Variants in COPA observed in about 807,000 individuals in gnomAD.
The protein encoded by COPA is coatomer subunit alpha.
COPA carries 10 observed loss-of-function variants against 158.7 expected under a neutral mutation model. The observed-to-expected ratio is 0.06, with a 90% CI of 0.04 to 0.11. The LOEUF is 0.11. COPA is among the 10% of genes least tolerant of loss of function. COPA has a pLI of 1.00. For synonymous variants in COPA, 462 were observed against 542.8 expected (o/e 0.85, Z 2.07); for missense variants, 1,065 against 1,536.7 (o/e 0.69, Z 5.13).
chr1:160,295,787 G>T lies in COPA; in HGVS notation c.2425C>A (p.Pro809Thr). The change falls in exon 23 of 33, where the codon CCT (proline) becomes ACT (threonine). Residue 809 changes from proline (P) to threonine (T), a missense_variant. Around this residue, in one of 2 missense-constraint regions of COPA, gnomAD observed 980 missense variants for 1,357.8 expected, o/e 0.72. Coordinates refer to ENST00000241704, the MANE Select transcript of COPA (RefSeq NM_004371.4). Reference sequence around the variant, plus strand: ...AATCCTTTGGATACAGTCAATAAAGGCCAATTGGTATCCAATGGCATGATA... The same window carrying T: ...AATCCTTTGGATACAGTCAATAAAGTCCAATTGGTATCCAATGGCATGATA... Reference protein sequence around the residue: ...APIMPLDTNWPLLTVSKGFFE... With the variant: ...APIMPLDTNWTLLTVSKGFFE... The T allele has an allele frequency of 6.2e-7, 1 of 1,613,266 alleles. No homozygotes were observed. Among genetic ancestry groups the T allele is most frequent in the Non-Finnish European group, 8.5e-7 (1 of 1,179,786 alleles).
At chr1:160,299,483 T>C (rs1472468983) in intron 17 of COPA, among the ~76,000 whole-genome samples, 1 of 152,214 alleles carries the variant, frequency 6.6e-6, no homozygotes, top group Non-Finnish European at 1.5e-5. Context: ...TCCTAGAAGA[T>C]GAGTAACAGA....
In COPA at chr1:160,295,809, G is replaced by A. The variant is rs1267904629; in HGVS notation, c.2403C>T (p.Ile801=). The change falls in exon 23 of 33, where the codon ATC becomes ATT. Residue 801 remains isoleucine (I), a synonymous_variant. Transcript: ENST00000241704. Reference sequence around the variant, plus strand: ...AAGGCCAATTGGTATCCAATGGCATGATAGGTGCAGGTGGCTGGAGCAGCT... The same window carrying A: ...AAGGCCAATTGGTATCCAATGGCATAATAGGTGCAGGTGGCTGGAGCAGCT... ...NAKLLQPPAP[I]MPLDTNWPLL... The A allele has an allele frequency of 6.2e-7, 1 of 1,613,596 alleles. No individual in the cohort carries two copies. The highest frequency in any genetic ancestry group is 1.7e-5 in the Admixed American group (1 of 59,824).
At chr1:160,337,446 G>A (rs1647827293) in intron 3 of COPA, among the ~76,000 whole-genome samples, 2 of 152,214 alleles carry the variant, frequency 1.3e-5, no homozygotes, top group East Asian at 1.9e-4. Flanking sequence ...TGGGCCGGGT[G>A]CGGTGGCTCA....
chr1:160,328,804 C>A (rs893725337), intron 6 of COPA, among the ~76,000 whole-genome samples: 1 of 152,114 alleles, frequency 6.6e-6, no homozygotes, highest in Non-Finnish European at 1.5e-5. Flanking sequence ...GCCAGGGTAA[C>A]ACAAAAGATT....
At position 160,292,134 on chromosome 1, in the gene COPA, G is replaced by A. The variant is rs764570410; in HGVS notation, c.3025C>T (p.Arg1009Trp). ...GTGAGCTGGTAGCACAGCTGCAACCGTTGGATGAGGTCATTAAGCTTCAGG... is the reference window on the plus strand; with the variant it reads ...GTGAGCTGGTAGCACAGCTGCAACCATTGGATGAGGTCATTAAGCTTCAGG... ...VGLKLNDLIQ[R>W]LQLCYQLTTV... is the part of the protein sequence containing the mutation. Residue 1009 changes from arginine (R) to tryptophan (W), a missense_variant, in exon 29 of 33, where the codon CGG (arginine) becomes TGG (tryptophan). This residue lies in a region of COPA where 980 missense variants were observed against 1,357.8 expected (regional missense o/e 0.72). Transcript: ENST00000241704. The A allele has an allele frequency of 3.1e-5, 50 of 1,613,966 alleles. No individual in the cohort carries two copies. Among genetic ancestry groups the A allele is most frequent in the South Asian group, 4.4e-5 (4 of 91,084 alleles).
At position 160,299,144 on chromosome 1, in the gene COPA, C is replaced by T; in HGVS notation, c.1788G>A (p.Glu596=). ...RPRVLTIDPT[E]FKFKLALINR... ...TGATCAGGGCCAGCTTGAATTTGAA[C>T]TCAGTGGGATCAATGGTGAGTACCC... Residue 596 remains glutamate, a synonymous_variant, in exon 18 of 33, where the codon GAG becomes GAA. Coordinates refer to ENST00000241704, the MANE Select transcript of COPA (RefSeq NM_004371.4). 1 of 1,614,150 alleles carries T rather than the reference C, an allele frequency of 6.2e-7. No individual in the cohort carries two copies. Among genetic ancestry groups the T allele is most frequent in the Non-Finnish European group, 8.5e-7 (1 of 1,180,030 alleles).
In COPA at chr1:160,312,023, G is replaced by A. The variant is rs144724157; in HGVS notation, c.926-5C>T. On this transcript the variant is annotated splice_region_variant and splice_polypyrimidine_tract_variant and intron_variant, in intron 10 of 32. Transcript: ENST00000241704. ...CAATCATACCACCATCATGGCCTGGGGGACAGGGAGAGGAGGAGAAAAAAT... is the reference window on the plus strand; with the variant it reads ...CAATCATACCACCATCATGGCCTGGAGGACAGGGAGAGGAGGAGAAAAAAT... 3.1e-6 allele frequency: 5 copies of A among 1,612,072 alleles called. No homozygotes were observed. Among genetic ancestry groups the A allele is most frequent in the East Asian group, 4.5e-5 (2 of 44,854 alleles).
intron 5 of COPA, 63 bp from the exon 6 acceptor site, chr1:160,332,620 A>G: frequency 8.8e-7 from 1 of 1,142,214 alleles, no homozygotes; most frequent in South Asian, 1.4e-5. Flanking sequence ...CCTAAACTAA[A>G]TACCTTTCTC....
chr1:160,321,828 C>G (rs1417466286), intron 8 of COPA, among the ~76,000 whole-genome samples: 1 of 151,702 alleles, frequency 6.6e-6, no homozygotes. Context: ...AGTGAATAAT[C>G]TGAAAAAAAA....
intron 8 of COPA, among the ~76,000 whole-genome samples, chr1:160,315,805 C>T (rs971916025): frequency 6.6e-6 from 1 of 152,184 alleles, no homozygotes; most frequent in African/African-American, 2.4e-5. Context: ...CCTAAAATGA[C>T]AGCAATTTGT....
chr1:160,300,138 A>G (rs1256674282), intron 17 of COPA, among the ~76,000 whole-genome samples: 1 of 151,882 alleles, frequency 6.6e-6, no homozygotes, highest in Non-Finnish European at 1.5e-5. Context: ...CCAGGAGTTC[A>G]AGACCAGCCT....
At chr1:160,334,150 T>C (rs1179149032) in intron 4 of COPA, among the ~76,000 whole-genome samples, 1 of 152,264 alleles carries the variant, frequency 6.6e-6, no homozygotes, top group African/African-American at 2.4e-5. Context: ...AAAGACAATT[T>C]AGCCTTTTTG....
intron 6 of COPA, among the ~76,000 whole-genome samples, chr1:160,332,128 A>AT (rs1017574992): frequency 7.9e-5 from 12 of 152,222 alleles, no homozygotes; most frequent in Admixed American, 5.9e-4. Context: ...TCATAGATGT[A>AT]TTTTTTCTTA....
intron 3 of COPA, among the ~76,000 whole-genome samples, chr1:160,339,150 ATCTCAT>A (rs1647921556): frequency 1.7e-5 from 2 of 118,102 alleles, no homozygotes; most frequent in African/African-American, 5.1e-5. Context: ...CTTATTGGCC[ATCTCAT>A]TTATTTCTCC....
At chr1:160,302,586 ACT>A (rs1463514374) in intron 17 of COPA, among the ~76,000 whole-genome samples, 1 of 121,562 alleles carries the variant, frequency 8.2e-6, no homozygotes, top group African/African-American at 3.3e-5. Context: ...ATGGAGTCTC[ACT>A]CTGTCGCCCA....
At chr1:160,318,482 A>AC (rs1557870022) in intron 8 of COPA, among the ~76,000 whole-genome samples, 8 of 68,228 alleles carry the variant, frequency 1.2e-4, no homozygotes, top group Admixed American at 6.9e-4. Flanking sequence ...AAAAAAAAAA[A>AC]AAAAAAAAAC....
In COPA at chr1:160,292,184, A is replaced by G. The variant is rs750607186; in HGVS notation, c.2975T>C (p.Leu992Pro). The change falls in exon 29 of 33, where the codon CTG (leucine) becomes CCG (proline). Residue 992 changes from leucine (L) to proline (P), a missense_variant. Around this residue, in one of 2 missense-constraint regions of COPA, gnomAD observed 980 missense variants for 1,357.8 expected, o/e 0.72. Transcript: ENST00000241704. ...GCCCACAGCTGGTACACCATTCTTC[A>G]GCCCTGCATCCTTCCTGGAAAGGGA... ...YPNRNWKDAGLKNGVPAVGLK... is the reference protein window; with the variant it reads ...YPNRNWKDAGPKNGVPAVGLK... 6 of 1,611,452 alleles carry G rather than the reference A, an allele frequency of 3.7e-6. No individual in the cohort carries two copies. In the South Asian group the frequency reaches 5.5e-5, roughly 15 times the overall value.
chr1:160,325,837 G>A (rs113822661), intron 6 of COPA, among the ~76,000 whole-genome samples, 185 bp from the exon 7 acceptor site: 1 of 152,194 alleles, frequency 6.6e-6, no homozygotes, highest in African/African-American at 2.4e-5. Context: ...TACATTCACC[G>A]TCTTCTCTTC....
chr1:160,290,304 C>T, intron 32 of COPA, 88 bp from the exon 33 acceptor site: 1 of 1,481,960 alleles, frequency 6.7e-7, no homozygotes, highest in South Asian at 1.2e-5. Flanking sequence ...TCAATGGGCA[C>T]AGTAGACAGG....
Sources: allele counts gnomAD v4.1 joint callset (sites outside exome capture counted in the v4.1 genomes callset), GRCh38; gene constraint gnomAD v4.1.1; regional missense constraint gnomAD v4.1.1; transcripts MANE v1.5; gene names NCBI Gene and HGNC (gene_info 2026-07-23, HGNC 2026-07-21).